AP2A2: variants seen among roughly 807,000 people sequenced by gnomAD.
AP2A2 encodes the protein AP-2 complex subunit alpha-2.
Under a neutral mutation model 104.2 loss-of-function variants are expected in AP2A2, and 32 were observed. That is an observed-to-expected ratio of 0.31 (90% confidence interval 0.23 to 0.41). The LOEUF (loss-of-function observed/expected upper bound fraction) is 0.41, where lower values mean the gene tolerates loss of function less well. Among genes scored for constraint, AP2A2 ranks in the 10% least tolerant of loss-of-function variants. The pLI is 1.00. For synonymous variants in AP2A2, 539 were observed against 533.3 expected (o/e 1.01, Z -0.15); for missense variants, 912 against 1,261.0 (o/e 0.72, Z 4.19).
At position 951,187 on chromosome 11, in the gene AP2A2, C is replaced by T. The variant is rs1854040552; in HGVS notation, c.68-8250C>T. On this transcript the variant is annotated intron_variant, in intron 1 of 21. Transcript: ENST00000448903. Reference sequence around the variant, plus strand: ...GCATATAAAAGCTATCAGAAAAATGCATATCAAAATCACAATGAGATACTG... The same window carrying T: ...GCATATAAAAGCTATCAGAAAAATGTATATCAAAATCACAATGAGATACTG... 2.0e-5 allele frequency among the ~76,000 whole-genome samples: 3 copies of T among 151,828 alleles called. No homozygotes were observed. The South Asian group carries it at 6.2e-4, about 31-fold the overall frequency.
At position 1,009,180 on chromosome 11, in the gene AP2A2, C is replaced by G. The variant is rs747321729; in HGVS notation, c.2501C>G (p.Ser834Cys). The G allele has an allele frequency of 6.8e-6, 11 of 1,613,724 alleles. No homozygotes were observed. Among genetic ancestry groups the G allele is most frequent in the Non-Finnish European group, 9.3e-6 (11 of 1,179,884 alleles). ...TTCTTCCAGCCGACAGAAATGGCTTCTCAGGATTTCTTTCAACGTTGGAAG... is the reference window on the plus strand; with the variant it reads ...TTCTTCCAGCCGACAGAAATGGCTTGTCAGGATTTCTTTCAACGTTGGAAG... Reference protein sequence around the residue: ...NKFFQPTEMASQDFFQRWKQL... With the variant: ...NKFFQPTEMACQDFFQRWKQL... The change falls in exon 19 of 22, where the codon TCT becomes TGT. Residue 834 changes from serine to cysteine, a missense_variant. Ser to Cys is a moderately radical substitution (Grantham distance 112). Transcript: ENST00000448903.
At position 973,628 on chromosome 11, in the gene AP2A2, G is replaced by A. The variant is rs114034922; in HGVS notation, c.473+1373G>A. Among the ~76,000 whole-genome samples, 558 of 146,756 alleles carry A rather than the reference G, an allele frequency of 3.8e-3. 9 individuals carry two copies. The highest frequency in any genetic ancestry group is 0.013 in the African/African-American group (526 of 40,680). ...AGGTGGCAGAGCATGTGGGCGCCCCGAAAACAGGGTGCCCAAGATGGAAGG... is the reference window on the plus strand; with the variant it reads ...AGGTGGCAGAGCATGTGGGCGCCCCAAAAACAGGGTGCCCAAGATGGAAGG... On this transcript the variant is annotated intron_variant, in intron 4 of 21. Transcript: ENST00000448903.
At position 970,452 on chromosome 11, in the gene AP2A2, G is replaced by A. The variant is rs377712225; in HGVS notation, c.279+141G>A. ...GTGGGTCTGCTGCAGATGGAGACGCGTGCCCAGTCCTTGTTAGCACCTGCT... is the reference window on the plus strand; with the variant it reads ...GTGGGTCTGCTGCAGATGGAGACGCATGCCCAGTCCTTGTTAGCACCTGCT... On this transcript the variant is annotated intron_variant, in intron 3 of 21. Coordinates refer to ENST00000448903, the MANE Select transcript of AP2A2 (RefSeq NM_012305.4). The A allele has an allele frequency of 1.0e-4, 113 of 1,087,824 alleles. No individual in the cohort carries two copies. The African/African-American group carries it at 1.5e-3, about 15-fold the overall frequency. The allele number at this position is 1,087,824 out of a possible 1,614,324, so 67.4% of individuals were successfully genotyped here. A position where few individuals can be genotyped will look rare whatever the true frequency, so the allele number is the denominator to read the frequency against.
At chr11:969,429 A>G (rs994664182) in intron 2 of AP2A2, among the ~76,000 whole-genome samples, 7 of 151,808 alleles carry the variant, frequency 4.6e-5, no homozygotes, top group Non-Finnish European at 8.8e-5. Context: ...GTGTTTCTCC[A>G]TGTTGAGGCT....
intron 15 of AP2A2, 156 bp from the exon 16 acceptor site, chr11:1,003,562 TTGTC>T: frequency 3.9e-6 from 2 of 510,888 alleles, no homozygotes; most frequent in Non-Finnish European, 6.9e-6. Context: ...CAGTGGCTGT[TTGTC>T]AGGATAGTCC....
chr11:994,790 C>T (rs1346588897), intron 14 of AP2A2, among the ~76,000 whole-genome samples: 4 of 143,518 alleles, frequency 2.8e-5, no homozygotes, highest in Non-Finnish European at 4.6e-5. Context: ...GCACACCCTG[C>T]TGGCCTGTCC....
chr11:945,936 G>T (rs1341798446), intron 1 of AP2A2, among the ~76,000 whole-genome samples: 1 of 152,178 alleles, frequency 6.6e-6, no homozygotes, highest in African/African-American at 2.4e-5. Flanking sequence ...GGAAAGGTAG[G>T]AGTGACATGT....
At chr11:1,005,135 A>G (rs1460599379) in intron 16 of AP2A2, among the ~76,000 whole-genome samples, 1 of 152,238 alleles carries the variant, frequency 6.6e-6, no homozygotes, top group African/African-American at 2.4e-5. Flanking sequence ...CTGTCGACGC[A>G]GTGGAATATT....
intron 1 of AP2A2, among the ~76,000 whole-genome samples, chr11:955,595 G>A (rs1473037067): frequency 6.6e-6 from 1 of 152,202 alleles, no homozygotes; most frequent in East Asian, 1.9e-4. Context: ...GGCAGAAGCT[G>A]TTGTGTTCCC....
In AP2A2 at chr11:1,011,206, C is replaced by T. The variant is rs758187611; in HGVS notation, c.*581C>T. 3 of 520,668 alleles carry T rather than the reference C, an allele frequency of 5.8e-6. No homozygotes were observed. Among genetic ancestry groups the T allele is most frequent in the Admixed American group, 1.9e-5 (1 of 51,624 alleles). The allele number at this position is 520,668 out of a possible 1,614,324, so 32.3% of individuals were successfully genotyped here. A position where few individuals can be genotyped will look rare whatever the true frequency, so the allele number is the denominator to read the frequency against. Reference sequence around the variant, plus strand: ...TTTGTAATGACTTCTGGCAAAAGCACGTGTCCTGGCCGGATGTAACTGTTC... The same window carrying T: ...TTTGTAATGACTTCTGGCAAAAGCATGTGTCCTGGCCGGATGTAACTGTTC... On this transcript the variant is annotated 3_prime_UTR_variant, in exon 22 of 22. Coordinates refer to ENST00000448903, the MANE Select transcript of AP2A2 (RefSeq NM_012305.4).
At chr11:944,427 C>T (rs757022212) in intron 1 of AP2A2, among the ~76,000 whole-genome samples, 15 of 152,114 alleles carry the variant, frequency 9.9e-5, no homozygotes, top group South Asian at 6.2e-4. Flanking sequence ...AAAACAACTC[C>T]GTGTTCACAT....
At position 1,011,209 on chromosome 11, in the gene AP2A2, G is replaced by T. The variant is rs1447895158; in HGVS notation, c.*584G>T. ...GTAATGACTTCTGGCAAAAGCACGT[G>T]TCCTGGCCGGATGTAACTGTTCTCC... is the stretch of plus-strand genomic sequence containing the variant. On this transcript the variant is annotated 3_prime_UTR_variant, in exon 22 of 22. Transcript: ENST00000448903. 1 of 520,518 alleles carries T rather than the reference G, an allele frequency of 1.9e-6. No homozygotes were observed. The highest frequency in any genetic ancestry group is 1.9e-5 in the Admixed American group (1 of 51,640). 32.2% of individuals were successfully genotyped at this position (520,518 alleles called of 1,614,324 possible). A position where few individuals can be genotyped will look rare whatever the true frequency, so the allele number is the denominator to read the frequency against.
Position 981,246 on chromosome 11 carries a change from A to G in AP2A2, c.652A>G (p.Asn218Asp). The G allele has an allele frequency of 1.2e-6, 2 of 1,613,726 alleles. No homozygotes were observed. Among genetic ancestry groups the G allele is most frequent in the Non-Finnish European group, 1.7e-6 (2 of 1,179,816 alleles). ...TSLITTLAQK[N>D]PEEFKTSVSL... is the part of the protein sequence containing the mutation. ...TCTGATCACCACTTTAGCACAGAAG[A>G]ACCCAGAAGAGTTTAAAACCTCCGT... The change falls in exon 6 of 22, where the codon AAC becomes GAC. Residue 218 changes from asparagine to aspartate, a missense_variant. Around this residue, in one of 7 missense-constraint regions of AP2A2, gnomAD observed 350 missense variants for 487.0 expected, o/e 0.72. Transcript: ENST00000448903.
intron 9 of AP2A2, among the ~76,000 whole-genome samples, chr11:987,677 G>A (rs6597954): frequency 0.55 from 83,679 of 152,038 alleles, 24,322 homozygotes; most frequent in Middle Eastern, 0.72. Context: ...AAATTTCAGA[G>A]TTGGAAGAGC....
chr11:938,163 T>C (rs1239184658), intron 1 of AP2A2, among the ~76,000 whole-genome samples: 1 of 152,236 alleles, frequency 6.6e-6, no homozygotes, highest in Non-Finnish European at 1.5e-5. Flanking sequence ...TTGGGGCCTC[T>C]CACCTGGGTC....
rs192897461 is a variant in AP2A2 at position 968,987 on chromosome 11, G to A, written c.137-1182G>A. Among the ~76,000 whole-genome samples, 107 of 152,254 alleles carry A rather than the reference G, an allele frequency of 7.0e-4. No individual in the cohort carries two copies. Among genetic ancestry groups the A allele is most frequent in the East Asian group, 2.9e-3 (15 of 5,158 alleles). ...GTATTCTACACAGTTGAGGTCGTCC[G>A]TGGAGGTGTGAGCGCCCCAGCCCTT... On this transcript the variant is annotated intron_variant, in intron 2 of 21. Transcript: ENST00000448903. The surrounding 1 kb of genome is among the most constrained non-coding windows in gnomAD (Gnocchi z 4.2).
chr11:995,978 A>G (rs1423927015), intron 14 of AP2A2: 1 of 151,768 alleles, frequency 6.6e-6, no homozygotes, highest in Admixed American at 6.6e-5. Context: ...TGCTCTGTAG[A>G]GCTGGTGACC....
chr11:1,000,841 AAC>A (rs1308663635), intron 15 of AP2A2, among the ~76,000 whole-genome samples: 2 of 152,248 alleles, frequency 1.3e-5, no homozygotes, highest in South Asian at 2.1e-4. Flanking sequence ...ACATGAAAGA[AAC>A]ACACTGTCTG....
At chr11:995,789 T>TC (rs1459230029) in intron 14 of AP2A2, among the ~76,000 whole-genome samples, 4 of 2,398 alleles carry the variant, frequency 1.7e-3, no homozygotes, top group Non-Finnish European at 3.0e-3. Context: ...GCAGCCCCTG[T>TC]CCCCCCGTGC....
Sources: gnomAD v4.1 joint callset for allele counts (sites outside exome capture counted in the v4.1 genomes callset) on GRCh38, gnomAD v4.1.1 for gene constraint, gnomAD v4.1.1 regional missense constraint, Gnocchi (gnomAD v3.1) non-coding constraint, MANE v1.5 for transcripts, NCBI Gene and HGNC (gene_info 2026-07-23, HGNC 2026-07-21) for gene names.